The following MISP3 variants were observed in gnomAD, a reference collection of about 807,000 sequenced individuals.
The protein encoded by MISP3 is MISP family member 3, also known as uncharacterized protein MISP3.
MISP3 carries 9 observed loss-of-function variants against 5.5 expected under a neutral mutation model. The observed-to-expected ratio is 1.65, with a 90% CI of 0.99 to 2.87. MISP3 has a LOEUF of 2.87. Ranked by LOEUF, MISP3 falls within the 30% of genes most tolerant of loss-of-function variation. MISP3 has a pLI of 0.00. For synonymous variants in MISP3, 87 were observed against 38.1 expected (o/e 2.28, Z -4.73); for missense variants, 152 against 84.1 (o/e 1.81, Z -3.16).
chr19:14,074,172 G>A lies in MISP3; in HGVS notation c.569-218G>A, dbSNP rs1044634406. 9.2e-5 allele frequency: 55 copies of A among 594,912 alleles called. No individual in the cohort carries two copies. The African/African-American group carries it at 9.9e-4, about 11-fold the overall frequency. 36.9% of individuals were successfully genotyped at this position (594,912 alleles called of 1,614,324 possible). A position where few individuals can be genotyped will look rare whatever the true frequency, so the allele number is the denominator to read the frequency against. On this transcript the variant is annotated intron_variant, in intron 1 of 2. Coordinates refer to ENST00000587086, the MANE Select transcript of MISP3 (RefSeq NM_001291291.2). This position sits in a 1 kb window ranked among gnomAD's most constrained non-coding sequence, Gnocchi z 4.4. ...GTCGGGTTCCAGGGAACCCTGACTGGGTTCTGGCACTCCTGGGTCCTCCCT... is the reference window on the plus strand; with the variant it reads ...GTCGGGTTCCAGGGAACCCTGACTGAGTTCTGGCACTCCTGGGTCCTCCCT...
Position 14,073,820 on chromosome 19 carries a change from C to A in MISP3, c.511C>A (p.Gln171Lys), listed in dbSNP as rs763792410. ...VREREQELQR[Q>K]RRSVYGTAEF... ...CGAGCGCGAGCAGGAACTGCAGCGC[C>A]AGCGGCGCAGCGTCTATGGCACCGC... Residue 171 changes from glutamine (Q) to lysine (K), a missense_variant, in exon 1 of 3, where the codon CAG (glutamine) becomes AAG (lysine). Transcript: ENST00000587086. The surrounding 1 kb of genome is among the most constrained non-coding windows in gnomAD (Gnocchi z 8.5). 1.4e-6 allele frequency: 1 copy of A among 701,832 alleles called. No individual in the cohort carries two copies. Among genetic ancestry groups the A allele is most frequent in the South Asian group, 1.5e-5 (1 of 67,576 alleles). The allele number at this position is 701,832 out of a possible 1,614,324, so 43.5% of individuals were successfully genotyped here. A position where few individuals can be genotyped will look rare whatever the true frequency, so the allele number is the denominator to read the frequency against.
chr19:14,074,815 C>A lies in MISP3; in HGVS notation c.*92C>A. 2 of 677,808 alleles carry A rather than the reference C, an allele frequency of 3.0e-6. No homozygotes were observed. The highest frequency in any genetic ancestry group is 3.0e-5 in the South Asian group (2 of 67,020). 42.0% of individuals were successfully genotyped at this position (677,808 alleles called of 1,614,324 possible). ...TCTAGCATTAGGCCTGGAGAAGGGT[C>A]GGCTCTCTGCATTGGGGAAGATGAA... On this transcript the variant is annotated 3_prime_UTR_variant, in exon 3 of 3. Coordinates refer to ENST00000587086, the MANE Select transcript of MISP3 (RefSeq NM_001291291.2). The surrounding 1 kb of genome is among the most constrained non-coding windows in gnomAD (Gnocchi z 4.4).
rs755160166 is a variant in MISP3, at chr19:14,074,361, T to C, written c.569-29T>C. 7.6e-5 allele frequency: 53 copies of C among 701,960 alleles called. No individual in the cohort carries two copies. In the Middle Eastern group the frequency reaches 1.4e-3, roughly 18 times the overall value. 43.5% of individuals were successfully genotyped at this position (701,960 alleles called of 1,614,324 possible). On this transcript the variant is annotated intron_variant, in intron 1 of 2. Coordinates refer to ENST00000587086, the MANE Select transcript of MISP3 (RefSeq NM_001291291.2). The surrounding 1 kb of genome is among the most constrained non-coding windows in gnomAD (Gnocchi z 4.4). Reference sequence around the variant, plus strand: ...GCCTTTCATCCTGGCTGCCGCCAGCTGGTGAGCTGAGCGCCCCTTCCCCCG... The same window carrying C: ...GCCTTTCATCCTGGCTGCCGCCAGCCGGTGAGCTGAGCGCCCCTTCCCCCG...
chr19:14,073,648 G>A lies in MISP3; in HGVS notation c.339G>A (p.Ala113=), dbSNP rs1044972112. The A allele has an allele frequency of 5.4e-6, 2 of 369,774 alleles. No homozygotes were observed. The highest frequency in any genetic ancestry group is 2.1e-5 in the African/African-American group (1 of 47,370). 22.9% of individuals were successfully genotyped at this position (369,774 alleles called of 1,614,324 possible). A position where few individuals can be genotyped will look rare whatever the true frequency, so the allele number is the denominator to read the frequency against. Residue 113 remains alanine (A), a synonymous_variant, in exon 1 of 3, where the codon GCG becomes GCA. Transcript: ENST00000587086. This position sits in a 1 kb window ranked among gnomAD's most constrained non-coding sequence, Gnocchi z 8.5. Reference sequence around the variant, plus strand: ...CCGCGGCGGGGAGCGGCTCCTCGGCGGGGGCGGGGGACGGCGCGGGCCCGC... The same window carrying A: ...CCGCGGCGGGGAGCGGCTCCTCGGCAGGGGCGGGGGACGGCGCGGGCCCGC... The part of the protein sequence containing the change: ...FEAAAGSGSS[A]GAGDGAGPQR...
rs1976609388 is a variant in MISP3 at position 14,072,851 on chromosome 19, C to T, written c.-459C>T. 5.2e-6 allele frequency: 2 copies of T among 383,702 alleles called. No homozygotes were observed. The highest frequency in any genetic ancestry group is 5.1e-6 in the Non-Finnish European group (1 of 194,846). The allele number at this position is 383,702 out of a possible 1,614,324, so 23.8% of individuals were successfully genotyped here. ...TGCCCTCTGTCCTCGCTCTGGGAATCAAAACCCCGGTTGGGAACTGAGGCT... is the reference window on the plus strand; with the variant it reads ...TGCCCTCTGTCCTCGCTCTGGGAATTAAAACCCCGGTTGGGAACTGAGGCT... On this transcript the variant is annotated 5_prime_UTR_variant, in exon 1 of 3. Transcript: ENST00000587086. This position sits in a 1 kb window ranked among gnomAD's most constrained non-coding sequence, Gnocchi z 6.8.
At position 14,074,110 on chromosome 19, in the gene MISP3, G is replaced by A. The variant is rs1031872003; in HGVS notation, c.568+233G>A. 1 of 593,482 alleles carries A rather than the reference G, an allele frequency of 1.7e-6. No homozygotes were observed. Among genetic ancestry groups the A allele is most frequent in the African/African-American group, 1.9e-5 (1 of 53,568 alleles). The allele number at this position is 593,482 out of a possible 1,614,324, so 36.8% of individuals were successfully genotyped here. ...CTCTCTGATCCACACCACCCAGGCT[G>A]CGCGGGGGTGGGGGCATTCCAGATG... On this transcript the variant is annotated intron_variant, in intron 1 of 2. Transcript: ENST00000587086. The surrounding 1 kb of genome is among the most constrained non-coding windows in gnomAD (Gnocchi z 4.4).
Position 14,074,649 on chromosome 19 carries a change from C to G in MISP3, c.643-57C>G. 1 of 698,144 alleles carries G rather than the reference C, an allele frequency of 1.4e-6. No individual in the cohort carries two copies. The highest frequency in any genetic ancestry group is 2.6e-6 in the Non-Finnish European group (1 of 380,980). The allele number at this position is 698,144 out of a possible 1,614,324, so 43.2% of individuals were successfully genotyped here. On this transcript the variant is annotated intron_variant, in intron 2 of 2. Transcript: ENST00000587086. The surrounding 1 kb of genome is among the most constrained non-coding windows in gnomAD (Gnocchi z 4.4). ...TGAGGCCCAAACCGCCACCCCGAGCCTGGATGCAGTGCGCAGGTCCCTGAG... is the reference window on the plus strand; with the variant it reads ...TGAGGCCCAAACCGCCACCCCGAGCGTGGATGCAGTGCGCAGGTCCCTGAG...
Position 14,073,192 on chromosome 19 carries a change from G to A in MISP3, c.-118G>A, listed in dbSNP as rs1399398135. On this transcript the variant is annotated 5_prime_UTR_variant, in exon 1 of 3. Coordinates refer to ENST00000587086, the MANE Select transcript of MISP3 (RefSeq NM_001291291.2). The surrounding 1 kb of genome is among the most constrained non-coding windows in gnomAD (Gnocchi z 8.5). ...CCGAAGCGCAAAGGGCGGAGGTCCA[G>A]GGGCAGCATCCCCCTCCAGGCCCTA... 12 of 674,450 alleles carry A rather than the reference G, an allele frequency of 1.8e-5. No homozygotes were observed. The Admixed American group carries it at 2.0e-4, about 11-fold the overall frequency. 41.8% of individuals were successfully genotyped at this position (674,450 alleles called of 1,614,324 possible). A position where few individuals can be genotyped will look rare whatever the true frequency, so the allele number is the denominator to read the frequency against.
rs951345959 is a variant in MISP3, at chr19:14,073,546, G to A, written c.237G>A (p.Leu79=). 2.6e-4 allele frequency: 65 copies of A among 251,938 alleles called. No individual in the cohort carries two copies. Among genetic ancestry groups the A allele is most frequent in the Non-Finnish European group, 4.1e-4 (55 of 134,742 alleles). 15.6% of individuals were successfully genotyped at this position (251,938 alleles called of 1,614,324 possible). ...GGGAGGCCCACCGGCAGGCGGCGCT[G>A]GCGCGCCCCGCGGTCCCCGAGCCGC... ...IEREAHRQAA[L]ARPAVPEPRA... The change falls in exon 1 of 3, where the codon CTG becomes CTA. Residue 79 remains leucine (L), a synonymous_variant. Transcript: ENST00000587086. This position sits in a 1 kb window ranked among gnomAD's most constrained non-coding sequence, Gnocchi z 8.5.
rs1285501421 is a variant in MISP3 at position 14,073,435 on chromosome 19, G to C, written c.126G>C (p.Val42=). ...RELVELRVRP[V]LNLPGPGPAL... ...TCGTCGAGCTGCGCGTGCGGCCGGT[G>C]CTCAACCTGCCGGGTCCTGGCCCCG... The change falls in exon 1 of 3, where the codon GTG becomes GTC. Residue 42 remains valine (V), a synonymous_variant. Coordinates refer to ENST00000587086, the MANE Select transcript of MISP3 (RefSeq NM_001291291.2). The surrounding 1 kb of genome is among the most constrained non-coding windows in gnomAD (Gnocchi z 8.5). 1.5e-6 allele frequency: 1 copy of C among 649,920 alleles called. No homozygotes were observed. Among genetic ancestry groups the C allele is most frequent in the Admixed American group, 2.4e-5 (1 of 41,272 alleles). The allele number at this position is 649,920 out of a possible 1,614,324, so 40.3% of individuals were successfully genotyped here.
chr19:14,073,839 G>A lies in MISP3; in HGVS notation c.530G>A (p.Gly177Asp), dbSNP rs532293955. 4.4e-5 allele frequency: 31 copies of A among 701,942 alleles called. No individual in the cohort carries two copies. Among genetic ancestry groups the A allele is most frequent in the African/African-American group, 2.4e-4 (14 of 57,346 alleles). The allele number at this position is 701,942 out of a possible 1,614,324, so 43.5% of individuals were successfully genotyped here. The stretch of plus-strand genomic sequence containing the variant: ...CAGCGCCAGCGGCGCAGCGTCTATG[G>A]CACCGCGGAGTTCAAGGAGCCTACG... ...ELQRQRRSVY[G>D]TAEFKEPTPS... The change falls in exon 1 of 3, where the codon GGC (glycine) becomes GAC (aspartate). Residue 177 changes from glycine to aspartate, a missense_variant. Gly to Asp is a moderately conservative substitution (Grantham distance 94). Transcript: ENST00000587086. This position sits in a 1 kb window ranked among gnomAD's most constrained non-coding sequence, Gnocchi z 8.5.
rs1976620419 is a variant in MISP3 at position 14,073,371 on chromosome 19, G to T, written c.62G>T (p.Arg21Leu). The change falls in exon 1 of 3, where the codon CGG (arginine) becomes CTG (leucine). Residue 21 changes from arginine (R) to leucine (L), a missense_variant. Transcript: ENST00000587086. The surrounding 1 kb of genome is among the most constrained non-coding windows in gnomAD (Gnocchi z 8.5). ...RSCEREESLR[R>L]SRGLSPGRAG... is the part of the protein sequence containing the mutation. ...TGCGAACGCGAGGAGAGCCTGCGCC[G>T]GAGCCGGGGCCTGAGCCCGGGCCGC... is the stretch of plus-strand genomic sequence containing the variant. 1 of 698,218 alleles carries T rather than the reference G, an allele frequency of 1.4e-6. No homozygotes were observed. Among genetic ancestry groups the T allele is most frequent in the Admixed American group, 2.0e-5 (1 of 49,624 alleles). The allele number at this position is 698,218 out of a possible 1,614,324, so 43.3% of individuals were successfully genotyped here.
Position 14,072,951 on chromosome 19 carries a change from G to A in MISP3, c.-359G>A. On this transcript the variant is annotated 5_prime_UTR_variant, in exon 1 of 3. Transcript: ENST00000587086. The surrounding 1 kb of genome is among the most constrained non-coding windows in gnomAD (Gnocchi z 6.8). Reference sequence around the variant, plus strand: ...CGAAACCCTGGGGTCGTCTGAAGAGGAGGGCCAGGAGTCCCCAGGGCCAGA... The same window carrying A: ...CGAAACCCTGGGGTCGTCTGAAGAGAAGGGCCAGGAGTCCCCAGGGCCAGA... 2.1e-6 allele frequency: 1 copy of A among 468,832 alleles called. No individual in the cohort carries two copies. The highest frequency in any genetic ancestry group is 1.5e-5 in the South Asian group (1 of 64,670). The allele number at this position is 468,832 out of a possible 1,614,324, so 29.0% of individuals were successfully genotyped here.
In MISP3 at chr19:14,073,723, G is replaced by C. The variant is rs768886314; in HGVS notation, c.414G>C (p.Gly138=). ...GGRPRSAVQG[G]CRVLGSAPPP... ...GGCCGCGCTCGGCCGTGCAGGGCGG[G>C]TGCCGGGTGCTGGGCAGCGCCCCGC... Residue 138 remains glycine (G), a synonymous_variant, in exon 1 of 3, where the codon GGG becomes GGC. Transcript: ENST00000587086. This position sits in a 1 kb window ranked among gnomAD's most constrained non-coding sequence, Gnocchi z 8.5. 1 of 667,802 alleles carries C rather than the reference G, an allele frequency of 1.5e-6. No homozygotes were observed. Among genetic ancestry groups the C allele is most frequent in the South Asian group, 1.6e-5 (1 of 63,750 alleles). The allele number at this position is 667,802 out of a possible 1,614,324, so 41.4% of individuals were successfully genotyped here.
In MISP3 at chr19:14,074,821, T is replaced by A; in HGVS notation, c.*98T>A. On this transcript the variant is annotated 3_prime_UTR_variant, in exon 3 of 3. Transcript: ENST00000587086. This position sits in a 1 kb window ranked among gnomAD's most constrained non-coding sequence, Gnocchi z 4.4. ...ATTAGGCCTGGAGAAGGGTCGGCTC[T>A]CTGCATTGGGGAAGATGAAATCGAC... 1 of 675,490 alleles carries A rather than the reference T, an allele frequency of 1.5e-6. No individual in the cohort carries two copies. The highest frequency in any genetic ancestry group is 2.8e-6 in the Non-Finnish European group (1 of 362,748). The allele number at this position is 675,490 out of a possible 1,614,324, so 41.8% of individuals were successfully genotyped here. A position where few individuals can be genotyped will look rare whatever the true frequency, so the allele number is the denominator to read the frequency against.
At position 14,073,474 on chromosome 19, in the gene MISP3, CCTGGAGCGGGCGCGGGCGGGCGCGCA is replaced by C; in HGVS notation, c.166_191del (p.Leu56AspfsTer168). 2.2e-6 allele frequency: 1 copy of C among 446,202 alleles called. No homozygotes were observed. The highest frequency in any genetic ancestry group is 4.4e-5 in the South Asian group (1 of 22,730). The allele number at this position is 446,202 out of a possible 1,614,324, so 27.6% of individuals were successfully genotyped here. A position where few individuals can be genotyped will look rare whatever the true frequency, so the allele number is the denominator to read the frequency against. On this transcript the variant is annotated frameshift_variant, in exon 1 of 3. Transcript: ENST00000587086. LOFTEE classifies it high-confidence loss of function. The surrounding 1 kb of genome is among the most constrained non-coding windows in gnomAD (Gnocchi z 8.5). The stretch of plus-strand genomic sequence containing the variant: ...GTCCTGGCCCCGCGCTCCCGCGCGC[CCTGGAGCGGGCGCGGGCGGGCGCGCA>C]GATGCAGCGGGACATCGAGCGGGAG...
Position 14,074,395 on chromosome 19 carries a change from A to C in MISP3, c.574A>C (p.Arg192=). The C allele has an allele frequency of 4.3e-6, 3 of 702,706 alleles. No individual in the cohort carries two copies. The highest frequency in any genetic ancestry group is 7.8e-6 in the Non-Finnish European group (3 of 384,914). 43.5% of individuals were successfully genotyped at this position (702,706 alleles called of 1,614,324 possible). The change falls in exon 2 of 3, where the codon AGG becomes CGG. Residue 192 remains arginine (R), a synonymous_variant. Transcript: ENST00000587086. This position sits in a 1 kb window ranked among gnomAD's most constrained non-coding sequence, Gnocchi z 4.4. ...GAGCGCCCCTTCCCCCGCAGCGAGC[A>C]GGGGCGACGGAAAGTTGGTGGTGAT... ...KEPTPSLTAS[R]GDGKLVVIWP...
In MISP3 at chr19:14,074,074, G is replaced by T. The variant is rs1976645717; in HGVS notation, c.568+197G>T. On this transcript the variant is annotated intron_variant, in intron 1 of 2. Transcript: ENST00000587086. This position sits in a 1 kb window ranked among gnomAD's most constrained non-coding sequence, Gnocchi z 4.4. ...CTCGCTGTGATCCACCCCTCCACCG[G>T]GAGTGATGGACTCTCTGATCCACAC... 3.4e-6 allele frequency: 2 copies of T among 595,892 alleles called. No homozygotes were observed. Among genetic ancestry groups the T allele is most frequent in the South Asian group, 4.0e-5 (2 of 50,558 alleles). 36.9% of individuals were successfully genotyped at this position (595,892 alleles called of 1,614,324 possible). A position where few individuals can be genotyped will look rare whatever the true frequency, so the allele number is the denominator to read the frequency against.
chr19:14,074,481 C>G lies in MISP3; in HGVS notation c.642+18C>G. On this transcript the variant is annotated intron_variant, in intron 2 of 2. Transcript: ENST00000587086. The surrounding 1 kb of genome is among the most constrained non-coding windows in gnomAD (Gnocchi z 4.4). ...TGGAGCAGGTGGGAGCCCCCTTACC[C>G]GTGTGCCTCTAGCGCTTGTCGGTCC... The G allele has an allele frequency of 1.4e-6, 1 of 701,864 alleles. No homozygotes were observed. The highest frequency in any genetic ancestry group is 2.6e-6 in the Non-Finnish European group (1 of 384,616). The allele number at this position is 701,864 out of a possible 1,614,324, so 43.5% of individuals were successfully genotyped here.
Sources: gnomAD v4.1 joint callset for allele counts on GRCh38, gnomAD v4.1.1 for gene constraint, Gnocchi (gnomAD v3.1) non-coding constraint, MANE v1.5 for transcripts, NCBI Gene and HGNC (gene_info 2026-07-23, HGNC 2026-07-21) for gene names.